ICMT: variants seen among roughly 807,000 people sequenced by gnomAD.
ICMT encodes the protein protein-S-isoprenylcysteine O-methyltransferase.
A neutral mutation model predicts 32.2 loss-of-function variants in ICMT; 10 were observed. The observed-to-expected ratio is 0.31, with a 90% CI of 0.19 to 0.53. ICMT has a LOEUF of 0.53. ICMT is among the 20% of genes least tolerant of loss of function. The pLI, the probability that ICMT is intolerant of heterozygous loss-of-function variation, is 0.96. For missense variants in ICMT, 265 were observed against 356.9 expected (o/e 0.74, Z 2.07); for synonymous variants, 183 against 158.2 (o/e 1.16, Z -1.18).
At chr1:6,226,150 C>T (rs1043287277) in intron 4 of ICMT, among the ~76,000 whole-genome samples, 8 of 152,162 alleles carry the variant, frequency 5.3e-5, no homozygotes, top group Non-Finnish European at 8.8e-5. Context: ...AATTGCAGTA[C>T]TTTGGGAGGC....
chr1:6,223,587 T>C lies in ICMT; in HGVS notation c.*1493A>G, dbSNP rs1362824272. On this transcript the variant is annotated 3_prime_UTR_variant, in exon 5 of 5. Transcript: ENST00000343813. The stretch of plus-strand genomic sequence containing the variant: ...TTAACCAAATGTCTGCCCATTTTTG[T>C]GTAGCTTTCATACAGTACAGATTTC... 5 of 152,322 alleles carry C rather than the reference T, an allele frequency of 3.3e-5. No individual in the cohort carries two copies. Among genetic ancestry groups the C allele is most frequent in the Non-Finnish European group, 7.3e-5 (5 of 68,048 alleles). 9.4% of individuals were successfully genotyped at this position (152,322 alleles called of 1,614,324 possible).
At chr1:6,233,766 G>A in intron 2 of ICMT, 123 bp from the exon 3 acceptor site, 5 of 720,452 alleles carry the variant, frequency 6.9e-6, no homozygotes, top group Non-Finnish European at 1.1e-5. Context: ...GTCTGAGAGT[G>A]GACACAGGTA....
rs985666869 is a variant in ICMT, at chr1:6,235,891, C to T, written c.21G>A (p.Arg7=). The stretch of plus-strand genomic sequence containing the variant: ...GACGCGCCTCAGAGCCCGGCGGAGC[C>T]CGCGCCGCGCAGCCCGCCATGGCGC... MAGCAA[R]APPGSEARLS... is the part of the protein sequence containing the mutation. Residue 7 remains arginine, a synonymous_variant, in exon 1 of 5, where the codon CGG becomes CGA. Transcript: ENST00000343813. 7.9e-6 allele frequency: 9 copies of T among 1,132,350 alleles called. No individual in the cohort carries two copies. The highest frequency in any genetic ancestry group is 7.6e-6 in the Non-Finnish European group (7 of 926,176). 70.1% of individuals were successfully genotyped at this position (1,132,350 alleles called of 1,614,324 possible). A position where few individuals can be genotyped will look rare whatever the true frequency, so the allele number is the denominator to read the frequency against.
chr1:6,234,766 A>T (rs758752232), intron 2 of ICMT, 120 bp downstream of exon 2: 2 of 779,072 alleles, frequency 2.6e-6, no homozygotes, highest in Admixed American at 2.1e-5. Context: ...CTTCGTTTCC[A>T]GAGAACCCTG....
chr1:6,225,006 G>A lies in ICMT; in HGVS notation c.*74C>T, dbSNP rs914419580. 5 of 1,275,332 alleles carry A rather than the reference G, an allele frequency of 3.9e-6. No individual in the cohort carries two copies. The highest frequency in any genetic ancestry group is 5.5e-6 in the Non-Finnish European group (5 of 910,428). 79.0% of individuals were successfully genotyped at this position (1,275,332 alleles called of 1,614,324 possible). A position where few individuals can be genotyped will look rare whatever the true frequency, so the allele number is the denominator to read the frequency against. ...AACGATTAAGAAAATCCATGTGGCA[G>A]CGGCCAACCGGAAACAGTTTTGTCC... is the stretch of plus-strand genomic sequence containing the variant. On this transcript the variant is annotated 3_prime_UTR_variant, in exon 5 of 5. Coordinates refer to ENST00000343813, the MANE Select transcript of ICMT (RefSeq NM_012405.4).
intron 4 of ICMT, among the ~76,000 whole-genome samples, chr1:6,228,381 C>T (rs1234046045): frequency 2.7e-5 from 4 of 150,870 alleles, no homozygotes; most frequent in Admixed American, 2.0e-4. Context: ...CTCGCTCTGT[C>T]GCCCAGGCTG....
chr1:6,234,820 G>T, intron 2 of ICMT, 66 bp downstream of exon 2: 1 of 1,187,530 alleles, frequency 8.4e-7, no homozygotes, highest in Non-Finnish European at 1.3e-6. Flanking sequence ...ATGAGGAAAT[G>T]CCGCTACAGA....
intron 4 of ICMT, among the ~76,000 whole-genome samples, chr1:6,225,610 C>T (rs1046296215): frequency 6.6e-6 from 1 of 152,140 alleles, no homozygotes; most frequent in Non-Finnish European, 1.5e-5. Context: ...AGGACCCTCC[C>T]ACCACAAATG....
rs1304942082 is a variant in ICMT at position 6,224,784 on chromosome 1, C to T, written c.*296G>A. 9.2e-6 allele frequency: 3 copies of T among 326,274 alleles called. No individual in the cohort carries two copies. Among genetic ancestry groups the T allele is most frequent in the Non-Finnish European group, 1.7e-5 (3 of 179,856 alleles). 20.2% of individuals were successfully genotyped at this position (326,274 alleles called of 1,614,324 possible). A position where few individuals can be genotyped will look rare whatever the true frequency, so the allele number is the denominator to read the frequency against. Reference sequence around the variant, plus strand: ...TACACTCTGGCCTCGGGGGCAGTGGCGTGTGGCCTCGGTCCTCCCCAGGTA... The same window carrying T: ...TACACTCTGGCCTCGGGGGCAGTGGTGTGTGGCCTCGGTCCTCCCCAGGTA... On this transcript the variant is annotated 3_prime_UTR_variant, in exon 5 of 5. Coordinates refer to ENST00000343813, the MANE Select transcript of ICMT (RefSeq NM_012405.4).
rs770581951 is a variant in ICMT, at chr1:6,234,867, T to C, written c.284+19A>G. ...GTCCACCCTCGCCTGAAAACCAGTA[T>C]TTCCGAAGGAATTCTTACCAGCCAA... On this transcript the variant is annotated intron_variant, in intron 2 of 4. Transcript: ENST00000343813. The C allele has an allele frequency of 6.3e-7, 1 of 1,584,194 alleles. No individual in the cohort carries two copies. Among genetic ancestry groups the C allele is most frequent in the South Asian group, 1.1e-5 (1 of 90,480 alleles).
At chr1:6,234,286 A>G (rs1462485959) in intron 2 of ICMT, 1 of 357,050 alleles carries the variant, frequency 2.8e-6, no homozygotes, top group African/African-American at 2.1e-5. Flanking sequence ...TGAAAGAGGG[A>G]GATAACAACA....
chr1:6,235,345 G>A (rs1386629323), intron 1 of ICMT, among the ~76,000 whole-genome samples: 1 of 152,218 alleles, frequency 6.6e-6, no homozygotes, highest in African/African-American at 2.4e-5. Flanking sequence ...AACTGCTTAA[G>A]CCTAGTTTAT....
rs368910939 is a variant in ICMT, at chr1:6,232,046, C to T, written c.528G>A (p.Ala176=). The T allele has an allele frequency of 1.2e-5, 20 of 1,613,954 alleles. No homozygotes were observed. The African/African-American group carries it at 1.6e-4, about 13-fold the overall frequency. Residue 176 remains alanine (A), a synonymous_variant, in exon 4 of 5, where the codon GCG becomes GCA. Transcript: ENST00000343813. ...AATTGGAGCCAGCTGTAAACATGGCCGCCTTCCTCAGACATTCTCCGAAGA... is the reference window on the plus strand; with the variant it reads ...AATTGGAGCCAGCTGTAAACATGGCTGCCTTCCTCAGACATTCTCCGAAGA... ...MVVFGECLRK[A]AMFTAGSNFN... is the part of the protein sequence containing the mutation.
In ICMT at chr1:6,235,773, A is replaced by G; in HGVS notation, c.139T>C (p.Tyr47His). The G allele has an allele frequency of 7.4e-7, 1 of 1,344,090 alleles. No individual in the cohort carries two copies. Among genetic ancestry groups the G allele is most frequent in the Non-Finnish European group, 9.6e-7 (1 of 1,038,162 alleles). The allele number at this position is 1,344,090 out of a possible 1,614,324, so 83.3% of individuals were successfully genotyped here. ...GLQGRTGLAL[Y>H]VAGLNALLLL... The stretch of plus-strand genomic sequence containing the variant: ...AGCAGCGCGTTGAGCCCGGCCACGT[A>G]GAGCGCCAGCCCGGTGCGGCCCTGC... Residue 47 changes from tyrosine to histidine, a missense_variant, in exon 1 of 5, where the codon TAC (tyrosine) becomes CAC (histidine). Transcript: ENST00000343813.
intron 3 of ICMT, 89 bp from the exon 4 acceptor site, chr1:6,232,208 C>T (rs1167606565): frequency 7.6e-6 from 7 of 918,352 alleles, no homozygotes; most frequent in African/African-American, 1.7e-5. Flanking sequence ...CCTATTTTCC[C>T]GAAGACAGAA....
At chr1:6,229,999 C>T (rs1295713114) in intron 4 of ICMT, among the ~76,000 whole-genome samples, 1 of 151,828 alleles carries the variant, frequency 6.6e-6, no homozygotes, top group Non-Finnish European at 1.5e-5. Context: ...TCTCGACTAG[C>T]TGGAATTATA....
chr1:6,231,893 ATAT>A lies in ICMT; in HGVS notation c.672+6_672+8del. 6.6e-7 allele frequency: 1 copy of A among 1,509,782 alleles called. No individual in the cohort carries two copies. The highest frequency in any genetic ancestry group is 2.3e-5 in the East Asian group (1 of 43,856). The allele number at this position is 1,509,782 out of a possible 1,614,324, so 93.5% of individuals were successfully genotyped here. A position where few individuals can be genotyped will look rare whatever the true frequency, so the allele number is the denominator to read the frequency against. ...AAAAAGAAAAGCAGTGTCATATTTA[ATAT>A]TATACCTGAGTTCCAATACTCCAGT... is the stretch of plus-strand genomic sequence containing the variant. On this transcript the variant is annotated splice_donor_region_variant and intron_variant, in intron 4 of 4. Coordinates refer to ENST00000343813, the MANE Select transcript of ICMT (RefSeq NM_012405.4).
chr1:6,232,914 G>A (rs1360570251), intron 3 of ICMT, among the ~76,000 whole-genome samples: 1 of 150,050 alleles, frequency 6.7e-6, no homozygotes, highest in East Asian at 2.0e-4. Flanking sequence ...CTGGAGTGCA[G>A]TGGCGCGATC....
intron 2 of ICMT, 59 bp downstream of exon 2, chr1:6,234,827 C>T (rs554429238): frequency 1.6e-6 from 2 of 1,257,226 alleles, no homozygotes; most frequent in African/African-American, 1.5e-5. Context: ...AATGCCGCTA[C>T]AGACCCTCTG....
Sources: gnomAD v4.1 joint callset for allele counts (sites outside exome capture counted in the v4.1 genomes callset) on GRCh38, gnomAD v4.1.1 for gene constraint, MANE v1.5 for transcripts, NCBI Gene and HGNC (gene_info 2026-07-23, HGNC 2026-07-21) for gene names.